Variants in SHROOM3 observed in about 807,000 individuals in gnomAD.
SHROOM3 encodes the protein shroom family member 3, also known as protein Shroom3.
A neutral mutation model predicts 138.6 loss-of-function variants in SHROOM3; 47 were observed. The ratio of observed to expected loss-of-function variants is 0.34; its 90% CI spans 0.27 to 0.43. The LOEUF (loss-of-function observed/expected upper bound fraction) is 0.43. Ranked by LOEUF, SHROOM3 falls within the 20% of genes least tolerant of loss-of-function variation. The pLI is 1.00. For synonymous variants in SHROOM3, 1,062 were observed against 1,063.3 expected (o/e 1.00, Z 0.02); for missense variants, 2,491 against 2,596.5 (o/e 0.96, Z 0.88).
At chr4:76,734,571 T>G (rs929357890) in intron 4 of SHROOM3, among the ~76,000 whole-genome samples, 1 of 151,294 alleles carries the variant, frequency 6.6e-6, no homozygotes, top group Non-Finnish European at 1.5e-5. Context: ...GGTGCAGTGA[T>G]GCGATCAAGG....
intron 2 of SHROOM3, among the ~76,000 whole-genome samples, chr4:76,585,666 T>C (rs1734138146): frequency 6.6e-6 from 1 of 152,180 alleles, no homozygotes; most frequent in Non-Finnish European, 1.5e-5. Context: ...GATGTGGTGT[T>C]GTTGTTTTGT....
At chr4:76,536,309 CCAGGAATCTCTGGAA>C (rs1427809332) in intron 1 of SHROOM3, among the ~76,000 whole-genome samples, 1 of 152,098 alleles carries the variant, frequency 6.6e-6, no homozygotes, top group Non-Finnish European at 1.5e-5. Context: ...TGAGAGATTG[CCAGGAATCTCTGGAA>C]TCTAACCCTC....
intron 4 of SHROOM3, among the ~76,000 whole-genome samples, chr4:76,737,695 C>T (rs560423943): frequency 6.6e-6 from 1 of 152,168 alleles, no homozygotes; most frequent in East Asian, 1.9e-4. Context: ...GCCCTCAGGA[C>T]GTCCTGAGAA....
At position 76,435,798 on chromosome 4, in the gene SHROOM3, G is replaced by A. The variant is rs1191364830; in HGVS notation, c.-255G>A. On this transcript the variant is annotated 5_prime_UTR_variant, in exon 1 of 11. The change creates a premature stop within an existing upstream ORF in the 5' untranslated region. Coordinates refer to ENST00000296043, the MANE Select transcript of SHROOM3 (RefSeq NM_020859.4). ...ACGGAGTAGAGATGTATACCACTTG[G>A]GGGCTTCAGTGAGAACCCAGAATTC... 2 of 459,980 alleles carry A rather than the reference G, an allele frequency of 4.3e-6. No individual in the cohort carries two copies. Among genetic ancestry groups the A allele is most frequent in the East Asian group, 7.6e-5 (2 of 26,484 alleles). 28.5% of individuals were successfully genotyped at this position (459,980 alleles called of 1,614,324 possible). A position where few individuals can be genotyped will look rare whatever the true frequency, so the allele number is the denominator to read the frequency against.
intron 2 of SHROOM3, among the ~76,000 whole-genome samples, chr4:76,661,979 T>C (rs1291089367): frequency 2.6e-5 from 4 of 152,234 alleles, no homozygotes; most frequent in Admixed American, 2.0e-4. Context: ...TTTTGTTCCA[T>C]AACCTTCCCA....
rs370683829 is a variant in SHROOM3, at chr4:76,528,324, CCTTCTT to C, written c.169-27269_169-27264del. ...CAGTCAACTTAGTCTTTCTTTCTTT[CCTTCTT>C]CTTCTTCTTCTTCTTTTTTTTTTTT... On this transcript the variant is annotated intron_variant, in intron 1 of 10. Transcript: ENST00000296043. Among the ~76,000 whole-genome samples, 698 of 137,982 alleles carry C rather than the reference CCTTCTT, an allele frequency of 5.1e-3. 46 individuals are homozygous for C. The highest frequency in any genetic ancestry group is 0.016 in the Middle Eastern group (4 of 258). The allele number at this position is 137,982 out of a possible 152,430, so 90.5% of individuals were successfully genotyped here. A position where few individuals can be genotyped will look rare whatever the true frequency, so the allele number is the denominator to read the frequency against.
chr4:76,483,485 A>T (rs1196739722), intron 1 of SHROOM3, among the ~76,000 whole-genome samples: 2 of 152,234 alleles, frequency 1.3e-5, no homozygotes, highest in Non-Finnish European at 2.9e-5. Context: ...ATCATTAGAA[A>T]GGCAGGAAAC....
intron 2 of SHROOM3, among the ~76,000 whole-genome samples, chr4:76,647,954 A>G (rs1050147299): frequency 6.6e-6 from 1 of 152,200 alleles, no homozygotes; most frequent in Non-Finnish European, 1.5e-5. Context: ...TATTTTATGT[A>G]TCGTAGTATC....
rs763171149 is a variant in SHROOM3, at chr4:76,756,940, A to G, written c.5198+3A>G. The stretch of plus-strand genomic sequence containing the variant: ...TCTTCAGGATGTGAAGGCAAGAGGT[A>G]AGTCCCTGGTGATGTCCTCAGAGAG... On this transcript the variant is annotated splice_donor_region_variant and intron_variant, in intron 8 of 10. Coordinates refer to ENST00000296043, the MANE Select transcript of SHROOM3 (RefSeq NM_020859.4). The G allele has an allele frequency of 4.3e-6, 7 of 1,613,768 alleles. No individual in the cohort carries two copies. Among genetic ancestry groups the G allele is most frequent in the South Asian group, 3.3e-5 (3 of 91,062 alleles).
In SHROOM3 at chr4:76,667,966, C is replaced by CAAAAAAAAAAAAA. The variant is rs747974205; in HGVS notation, c.324-42176_324-42164dup. Among the ~76,000 whole-genome samples, 271 of 62,532 alleles carry CAAAAAAAAAAAAA rather than the reference C, an allele frequency of 4.3e-3. 15 individuals are homozygous for CAAAAAAAAAAAAA. In the Middle Eastern group the frequency reaches 0.044, roughly 10 times the overall value. 41.0% of individuals were successfully genotyped at this position (62,532 alleles called of 152,430 possible). A position where few individuals can be genotyped will look rare whatever the true frequency, so the allele number is the denominator to read the frequency against. On this transcript the variant is annotated intron_variant, in intron 2 of 10. Transcript: ENST00000296043. ...TGGGCGACAGAAGGAGACTCCCTCTCAAAAAAAAAAAAAAAAAAAAAAAAA... is the reference window on the plus strand; with the variant it reads ...TGGGCGACAGAAGGAGACTCCCTCTCAAAAAAAAAAAAAAAAAAAAAAAAAAAAAAAAAAAAAA...
chr4:76,730,782 G>C (rs1346779073), intron 3 of SHROOM3, 22 bp from the exon 4 acceptor site: 3 of 1,613,520 alleles, frequency 1.9e-6, no homozygotes, highest in Non-Finnish European at 2.5e-6. Context: ...AATGTTGGGG[G>C]GTCCCTCCTG....
intron 2 of SHROOM3, among the ~76,000 whole-genome samples, chr4:76,601,972 A>G (rs746674242): frequency 2.0e-5 from 3 of 152,200 alleles, no homozygotes; most frequent in Non-Finnish European, 2.9e-5. Context: ...TTCTCAGCTG[A>G]TTGGTTCAGC....
At chr4:76,651,405 T>A (rs1362490469) in intron 2 of SHROOM3, among the ~76,000 whole-genome samples, 1 of 14,210 alleles carries the variant, frequency 7.0e-5, no homozygotes, top group Admixed American at 7.2e-4. Flanking sequence ...CCCATAAATA[T>A]ATATATATAT....
intron 1 of SHROOM3, among the ~76,000 whole-genome samples, chr4:76,502,121 C>G (rs1361141292): frequency 1.3e-5 from 2 of 152,166 alleles, no homozygotes; most frequent in African/African-American, 2.4e-5. Flanking sequence ...AGACTCAGCT[C>G]TCTGGCATGT....
chr4:76,480,017 A>G (rs533533895), intron 1 of SHROOM3, among the ~76,000 whole-genome samples: 7 of 152,370 alleles, frequency 4.6e-5, no homozygotes, highest in Admixed American at 1.3e-4. Flanking sequence ...CAGCCACTGC[A>G]AAAACATACC....
rs551747532 is a variant in SHROOM3 at position 76,739,128 on chromosome 4, G to A, written c.955G>A (p.Ala319Thr). The A allele has an allele frequency of 6.2e-7, 1 of 1,614,214 alleles. No homozygotes were observed. The highest frequency in any genetic ancestry group is 8.5e-7 in the Non-Finnish European group (1 of 1,180,036). The change falls in exon 5 of 11, where the codon GCA (alanine) becomes ACA (threonine). Residue 319 changes from alanine (A) to threonine (T), a missense_variant. Physicochemically the swap from Ala to Thr is moderately conservative, Grantham distance 58. Coordinates refer to ENST00000296043, the MANE Select transcript of SHROOM3 (RefSeq NM_020859.4). ...TVYDTRRGVSAEYEVNSSALL... is the reference protein window; with the variant it reads ...TVYDTRRGVSTEYEVNSSALL... ...CTATGACACCCGGAGGGGAGTCTCA[G>A]CAGAGTATGAGGTGAACTCTTCAGC...
intron 1 of SHROOM3, among the ~76,000 whole-genome samples, chr4:76,478,086 T>C (rs532819772): frequency 2.6e-5 from 4 of 152,230 alleles, no homozygotes; most frequent in African/African-American, 9.6e-5. Context: ...CAGGAGTTTA[T>C]TTTTCATACC....
At chr4:76,539,073 AGCTCT>A (rs752748727) in intron 1 of SHROOM3, among the ~76,000 whole-genome samples, 7 of 152,334 alleles carry the variant, frequency 4.6e-5, no homozygotes, top group Middle Eastern at 3.4e-3. Flanking sequence ...TTTAAATCTT[AGCTCT>A]GCTATTTATA....
intron 1 of SHROOM3, among the ~76,000 whole-genome samples, chr4:76,507,533 A>ATC (rs1342544098): frequency 2.8e-5 from 4 of 142,208 alleles, no homozygotes; most frequent in East Asian, 4.2e-4. Context: ...GGTCATTTGT[A>ATC]TCTCTCTTTT....
Sources: gnomAD v4.1 joint callset for allele counts (sites outside exome capture counted in the v4.1 genomes callset) on GRCh38, gnomAD v4.1.1 for gene constraint, MANE v1.5 for transcripts, NCBI Gene and HGNC (gene_info 2026-07-23, HGNC 2026-07-21) for gene names.